Variants in CNTLN observed in about 807,000 individuals in gnomAD.
CNTLN encodes centlein, centrosomal protein.
In CNTLN, 212 loss-of-function variants were observed where a neutral mutation model predicts 180.0. That is an observed-to-expected ratio of 1.18 (90% CI 1.05 to 1.32). CNTLN has a LOEUF of 1.32. Among genes scored for constraint, CNTLN ranks in the 40% most tolerant of loss-of-function variants. The pLI is 0.00. For synonymous variants in CNTLN, 722 were observed against 563.1 expected (o/e 1.28, Z -3.99); for missense variants, 2,095 against 1,610.9 (o/e 1.30, Z -5.14).
intron 9 of CNTLN, among the ~76,000 whole-genome samples, chr9:17,331,964 T>C (rs1820673651): frequency 1.3e-5 from 2 of 152,072 alleles, no homozygotes; most frequent in Admixed American, 1.3e-4. Flanking sequence ...AAATTTTCTT[T>C]CTTTTTGTAA....
intron 18 of CNTLN, among the ~76,000 whole-genome samples, chr9:17,454,264 G>T (rs1186311271): frequency 6.6e-6 from 1 of 151,942 alleles, no homozygotes; most frequent in Non-Finnish European, 1.5e-5. Flanking sequence ...AAATTTTATA[G>T]TGTTAAGTTC....
At chr9:17,421,585 A>G (rs563610292) in intron 18 of CNTLN, among the ~76,000 whole-genome samples, 3 of 152,074 alleles carry the variant, frequency 2.0e-5, no homozygotes, top group South Asian at 2.1e-4. Context: ...TTATTCATAG[A>G]TGAGTACTTG....
At chr9:17,518,968 G>A in the CNTLN span, among the ~76,000 whole-genome samples, 1,037 of 152,066 alleles carry the variant, frequency 6.8e-3, 9 homozygotes, top group African/African-American at 0.024. Context: ...CTGTCACCCA[G>A]GCTTGAGTAC....
intron 7 of CNTLN, 58 bp downstream of exon 7, chr9:17,298,410 T>C (rs548976270): frequency 3.7e-6 from 5 of 1,368,908 alleles, no homozygotes; most frequent in Admixed American, 3.1e-5. Context: ...TATGAACATA[T>C]ATAGAATTCA....
At chr9:17,206,703 A>T (rs116772452) in intron 2 of CNTLN, among the ~76,000 whole-genome samples, 3,147 of 152,290 alleles carry the variant, frequency 0.021, 67 homozygotes, top group African/African-American at 0.056. Context: ...GACCATTTGA[A>T]CTCAATTGAC....
intron 13 of CNTLN, among the ~76,000 whole-genome samples, chr9:17,387,723 C>A (rs1210570847): frequency 6.6e-6 from 1 of 151,764 alleles, no homozygotes; most frequent in East Asian, 2.0e-4. Context: ...CAATTTCAAT[C>A]CACCCTAATT....
chr9:17,259,796 A>G (rs10962953), intron 5 of CNTLN, among the ~76,000 whole-genome samples: 79,150 of 140,504 alleles, frequency 0.56, 25,579 homozygotes, highest in African/African-American at 0.86. Context: ...ATGGTAATTT[A>G]TATTTCTGTG....
intron 5 of CNTLN, among the ~76,000 whole-genome samples, chr9:17,269,624 GA>G (rs1302626786): frequency 6.6e-6 from 1 of 152,062 alleles, no homozygotes; most frequent in Non-Finnish European, 1.5e-5. Context: ...ATTGTGATCA[GA>G]AAAAATACTT....
At chr9:17,405,030 G>A (rs932944267) in intron 15 of CNTLN, among the ~76,000 whole-genome samples, 10 of 151,612 alleles carry the variant, frequency 6.6e-5, no homozygotes, top group African/African-American at 9.8e-5. Flanking sequence ...GAGCCACCGC[G>A]CCCAGCCTAA....
intron 18 of CNTLN, among the ~76,000 whole-genome samples, chr9:17,420,836 T>C (rs557571293): frequency 3.3e-5 from 5 of 152,302 alleles, no homozygotes; most frequent in African/African-American, 1.2e-4. Context: ...TTCAGGAACA[T>C]ATTGTGTAAT....
chr9:17,399,035 C>T (rs1826759201), intron 15 of CNTLN, among the ~76,000 whole-genome samples: 1 of 152,202 alleles, frequency 6.6e-6, no homozygotes, highest in South Asian at 2.1e-4. Context: ...AACTAGCCTT[C>T]ATCTACCATT....
intron 13 of CNTLN, among the ~76,000 whole-genome samples, chr9:17,380,400 G>A (rs1825143009): frequency 6.6e-6 from 1 of 152,196 alleles, no homozygotes; most frequent in Non-Finnish European, 1.5e-5. Flanking sequence ...CAATAAAAAT[G>A]CCTCCATATT....
chr9:17,164,311 C>CAAAA (rs774854028), intron 2 of CNTLN, among the ~76,000 whole-genome samples: 2 of 51,754 alleles, frequency 3.9e-5, no homozygotes, highest in African/African-American at 6.9e-5. Flanking sequence ...GACTCTGTCT[C>CAAAA]AAAAAAAAAA....
rs1456608478 is a variant in CNTLN, at chr9:17,394,515, A to T, written c.2080-19A>T. 1.8e-5 allele frequency: 27 copies of T among 1,460,078 alleles called. No homozygotes were observed. The highest frequency in any genetic ancestry group is 2.4e-5 in the Non-Finnish European group (26 of 1,079,582). 90.4% of individuals were successfully genotyped at this position (1,460,078 alleles called of 1,614,324 possible). ...ATTATGGTTTTTGGATTCTTAAAAG[A>T]ATAAACTCTTTCCTTTAGGTCACTG... On this transcript the variant is annotated intron_variant, in intron 14 of 25. Coordinates refer to ENST00000380647, the MANE Select transcript of CNTLN (RefSeq NM_017738.4).
chr9:17,352,414 A>T (rs1334233403), intron 12 of CNTLN, among the ~76,000 whole-genome samples: 6,726 of 24,100 alleles, frequency 0.28, 210 homozygotes, highest in East Asian at 0.4. Flanking sequence ...ATATATATAT[A>T]TATTTTTTTT....
chr9:17,504,873 A>G (rs866137818), downstream of CNTLN, among the ~76,000 whole-genome samples: 2 of 152,188 alleles, frequency 1.3e-5, no homozygotes, highest in African/African-American at 4.8e-5. Flanking sequence ...GATTTTGGAC[A>G]TCTAGAACTG....
chr9:17,494,239 G>A (rs1240886666), intron 25 of CNTLN, among the ~76,000 whole-genome samples: 1 of 152,172 alleles, frequency 6.6e-6, no homozygotes, highest in African/African-American at 2.4e-5. Flanking sequence ...AGTCTCCCCA[G>A]AAGATGCCTA....
chr9:17,492,589 A>G lies in CNTLN; in HGVS notation c.4119+5523A>G, dbSNP rs1036582638. Among the ~76,000 whole-genome samples, 21 of 152,136 alleles carry G rather than the reference A, an allele frequency of 1.4e-4. No homozygotes were observed. In the East Asian group the frequency reaches 2.3e-3, roughly 17 times the overall value. On this transcript the variant is annotated intron_variant, in intron 25 of 25. Coordinates refer to ENST00000380647, the MANE Select transcript of CNTLN (RefSeq NM_017738.4). ...GCTTAAACTCTAAAGTAGGAAATTA[A>G]TAAGTGTTAGGAGGCAGAGAAAATT...
At chr9:17,437,907 A>T (rs1829871785) in intron 18 of CNTLN, among the ~76,000 whole-genome samples, 1 of 152,088 alleles carries the variant, frequency 6.6e-6, no homozygotes, top group Non-Finnish European at 1.5e-5. Context: ...AAGGCTTTTG[A>T]AGGAGTGGTA....
Sources: allele counts gnomAD v4.1 joint callset (sites outside exome capture counted in the v4.1 genomes callset), GRCh38; gene constraint gnomAD v4.1.1; transcripts MANE v1.5; gene names NCBI Gene and HGNC (gene_info 2026-07-23, HGNC 2026-07-21).